Variants in TCF12 observed in about 807,000 individuals in gnomAD.
TCF12 encodes DNA-binding protein HTF4.
In TCF12, 45 loss-of-function variants were observed where a neutral mutation model predicts 86.0. That is an observed-to-expected ratio of 0.52 (90% CI 0.41 to 0.67). The LOEUF is 0.67. TCF12 is among the 30% of genes least tolerant of loss of function. The pLI is 0.00. For missense variants in TCF12, 881 were observed against 859.9 expected, an observed-to-expected ratio of 1.02 and a Z score of -0.31; for synonymous variants, 330 against 299.6, an observed-to-expected ratio of 1.10 and a Z score of -1.05.
chr15:57,217,735 C>CT lies in TCF12; in HGVS notation c.580-13408dup, dbSNP rs201757005. 8.4e-3 allele frequency among the ~76,000 whole-genome samples: 1,263 copies of CT among 150,948 alleles called. 7 individuals carry two copies. The highest frequency in any genetic ancestry group is 0.011 in the Non-Finnish European group (739 of 67,632). ...TTTGATTCGATTTTGTTTGATTTTC[C>CT]TTTTTTTTTGTTTTGAGAGTAGCCG... On this transcript the variant is annotated intron_variant, in intron 8 of 20. Coordinates refer to ENST00000333725, the MANE Select transcript of TCF12 (RefSeq NM_207037.2).
At chr15:57,112,519 A>T (rs1231692334) in intron 5 of TCF12, among the ~76,000 whole-genome samples, 3 of 152,154 alleles carry the variant, frequency 2.0e-5, no homozygotes, top group Admixed American at 6.5e-5. Flanking sequence ...GGCCACTTAG[A>T]TTGCTGTATA....
chr15:57,021,355 G>T (rs1418812455), intron 3 of TCF12, among the ~76,000 whole-genome samples: 1 of 152,132 alleles, frequency 6.6e-6, no homozygotes, highest in Non-Finnish European at 1.5e-5. Context: ...ACTAGTGATG[G>T]GACAGAAAAC....
At chr15:56,990,151 C>T (rs374293607) in intron 3 of TCF12, among the ~76,000 whole-genome samples, 339 of 92,354 alleles carry the variant, frequency 3.7e-3, no homozygotes, top group Middle Eastern at 0.02. Flanking sequence ...ATAGTCTTGT[C>T]TTTTTTTTTT....
rs188965990 is a variant in TCF12, at chr15:57,024,810, C to G, written c.149-38940C>G. ...CACATATAAAAGAACCATGCACATTCGTCAACAAGCTCACTTCCCTTTGGG... is the reference window on the plus strand; with the variant it reads ...CACATATAAAAGAACCATGCACATTGGTCAACAAGCTCACTTCCCTTTGGG... On this transcript the variant is annotated intron_variant, in intron 3 of 20. Coordinates refer to ENST00000333725, the MANE Select transcript of TCF12 (RefSeq NM_207037.2). Among the ~76,000 whole-genome samples, 546 of 152,230 alleles carry G rather than the reference C, an allele frequency of 3.6e-3. 5 individuals carry two copies. The highest frequency in any genetic ancestry group is 0.012 in the African/African-American group (519 of 41,552).
chr15:56,922,280 G>A (rs1431005318), intron 3 of TCF12, among the ~76,000 whole-genome samples: 1 of 151,874 alleles, frequency 6.6e-6, no homozygotes, highest in Non-Finnish European at 1.5e-5. Flanking sequence ...ATGATGCTTA[G>A]TATTTTTTAA....
At chr15:57,008,130 T>TC (rs1454617084) in intron 3 of TCF12, among the ~76,000 whole-genome samples, 2 of 150,794 alleles carry the variant, frequency 1.3e-5, no homozygotes, top group Admixed American at 1.3e-4. Flanking sequence ...CTGGCTGATT[T>TC]CTTTTTTTTT....
intron 5 of TCF12, among the ~76,000 whole-genome samples, chr15:57,125,199 A>G (rs1177327861): frequency 5.9e-5 from 9 of 152,210 alleles, no homozygotes; most frequent in African/African-American, 2.2e-4. Context: ...GAACTTTTAT[A>G]TGCAGGGAAA....
intron 8 of TCF12, among the ~76,000 whole-genome samples, chr15:57,215,730 AAC>A (rs2058306044): frequency 1.3e-5 from 2 of 152,132 alleles, no homozygotes; most frequent in African/African-American, 4.8e-5. Context: ...TTCTTTCCAA[AAC>A]TATTTAGAAT....
At chr15:57,059,457 G>C (rs1398746885) in intron 3 of TCF12, among the ~76,000 whole-genome samples, 1 of 152,046 alleles carries the variant, frequency 6.6e-6, no homozygotes, top group Non-Finnish European at 1.5e-5. Context: ...TGGGTCATCA[G>C]ACTCACCACT....
intron 4 of TCF12, among the ~76,000 whole-genome samples, chr15:57,070,491 A>G (rs985259571): frequency 6.6e-6 from 1 of 152,162 alleles, no homozygotes; most frequent in Non-Finnish European, 1.5e-5. Flanking sequence ...ATAAATAAAA[A>G]CTCAGTGAAA....
intron 6 of TCF12, among the ~76,000 whole-genome samples, chr15:57,185,460 C>G (rs560665995): frequency 6.6e-6 from 1 of 152,046 alleles, no homozygotes; most frequent in African/African-American, 2.4e-5. Context: ...AACTTCATAC[C>G]TTAAGAAACA....
At chr15:57,158,497 G>A (rs1325371375) in intron 5 of TCF12, among the ~76,000 whole-genome samples, 1 of 152,178 alleles carries the variant, frequency 6.6e-6, no homozygotes, top group East Asian at 1.9e-4. Flanking sequence ...CATTTATAAA[G>A]CCTATTCAAA....
At chr15:56,932,599 G>T (rs1183648765) in intron 3 of TCF12, among the ~76,000 whole-genome samples, 2 of 151,894 alleles carry the variant, frequency 1.3e-5, no homozygotes, top group African/African-American at 4.8e-5. Flanking sequence ...GACAGAGTGT[G>T]GCTCTGTCGC....
intron 4 of TCF12, among the ~76,000 whole-genome samples, chr15:57,088,833 G>T (rs16977239): frequency 0.031 from 4,681 of 151,934 alleles, 118 homozygotes; most frequent in Non-Finnish European, 0.051. Context: ...ATTGCTGTAG[G>T]TATCGGTCAA....
chr15:56,918,185 GGTGGCGTCCAGCGTGA>G (rs1371781061), upstream of TCF12: 3 of 456,134 alleles, frequency 6.6e-6, no homozygotes, highest in Non-Finnish European at 1.3e-5. Flanking sequence ...CCCAGCTTAG[GGTGGCGTCCAGCGTGA>G]CCTACTCGGG....
chr15:57,211,224 C>T (rs1255663946), intron 8 of TCF12, among the ~76,000 whole-genome samples: 4 of 152,102 alleles, frequency 2.6e-5, no homozygotes, highest in East Asian at 3.9e-4. Flanking sequence ...GGTAGGATGT[C>T]ACTGCTTTTC....
At chr15:57,072,603 A>T (rs2069498041) in intron 4 of TCF12, 2 of 1,215,998 alleles carry the variant, frequency 1.6e-6, no homozygotes, top group Non-Finnish European at 2.1e-6. Flanking sequence ...TACAGTAATT[A>T]GAAAGGACAC....
At chr15:56,946,478 GTTTTTC>G (rs1190655776) in intron 3 of TCF12, among the ~76,000 whole-genome samples, 5 of 151,862 alleles carry the variant, frequency 3.3e-5, no homozygotes, top group African/African-American at 1.2e-4. Flanking sequence ...AGATATTCCT[GTTTTTC>G]TTTTAAGTCA....
chr15:57,228,707 T>A (rs1200287484), intron 8 of TCF12, among the ~76,000 whole-genome samples: 1 of 152,018 alleles, frequency 6.6e-6, no homozygotes, highest in Non-Finnish European at 1.5e-5. Flanking sequence ...ATCCTTTGAC[T>A]TCCTTCTGTA....
Sources: allele counts gnomAD v4.1 joint callset (sites outside exome capture counted in the v4.1 genomes callset), GRCh38; gene constraint gnomAD v4.1.1; transcripts MANE v1.5; gene names NCBI Gene and HGNC (gene_info 2026-07-23, HGNC 2026-07-21).